The following EPN2 variants were observed in gnomAD, a reference collection of about 807,000 sequenced individuals.
EPN2 encodes epsin-2.
EPN2 carries 34 observed loss-of-function variants against 61.7 expected under a neutral mutation model. The observed-to-expected ratio is 0.55, with a 90% CI of 0.42 to 0.73. The LOEUF is 0.73. EPN2 is among the 30% of genes least tolerant of loss of function. The pLI is 0.00. For synonymous variants in EPN2, 349 were observed against 353.6 expected, an observed-to-expected ratio of 0.99 and a Z score of 0.15; for missense variants, 714 against 839.2, an observed-to-expected ratio of 0.85 and a Z score of 1.84.
At chr17:19,327,997 G>C (rs368107278) in intron 7 of EPN2, among the ~76,000 whole-genome samples, 1 of 152,160 alleles carries the variant, frequency 6.6e-6, no homozygotes, top group African/African-American at 2.4e-5. Context: ...ACATCACAGC[G>C]TTGACACTTA....
At chr17:19,281,211 C>A (rs547131586) in intron 1 of EPN2, among the ~76,000 whole-genome samples, 9 of 152,296 alleles carry the variant, frequency 5.9e-5, no homozygotes, top group Middle Eastern at 6.8e-3. Context: ...TAAACCTAAT[C>A]TTCAGTCCAT....
chr17:19,286,025 G>T (rs565673999), intron 4 of EPN2, among the ~76,000 whole-genome samples: 1 of 152,160 alleles, frequency 6.6e-6, no homozygotes, highest in African/African-American at 2.4e-5. Context: ...TTTAGCAGGG[G>T]AGCTGTTCTT....
chr17:19,262,364 G>C (rs767792224), intron 1 of EPN2, among the ~76,000 whole-genome samples: 17 of 152,058 alleles, frequency 1.1e-4, no homozygotes, highest in Non-Finnish European at 2.4e-4. Flanking sequence ...TGTAATCCCA[G>C]CTACTTAGGA....
intron 7 of EPN2, among the ~76,000 whole-genome samples, chr17:19,323,855 C>T (rs191865484): frequency 8.5e-5 from 13 of 152,270 alleles, no homozygotes; most frequent in Admixed American, 3.9e-4. Context: ...GTTAATAAAA[C>T]ACTAAGAGAA....
At chr17:19,298,528 G>T (rs529407015) in intron 4 of EPN2, among the ~76,000 whole-genome samples, 6 of 152,138 alleles carry the variant, frequency 3.9e-5, no homozygotes, top group Non-Finnish European at 5.9e-5. Flanking sequence ...TAGAGCTGGG[G>T]TCTCGCTATA....
chr17:19,248,982 G>A (rs2044982912), intron 1 of EPN2, among the ~76,000 whole-genome samples: 2 of 152,242 alleles, frequency 1.3e-5, no homozygotes, highest in Non-Finnish European at 2.9e-5. Context: ...GCTGCATTAT[G>A]CAGAGGCCTG....
At chr17:19,269,051 A>G (rs1001574506) in intron 1 of EPN2, among the ~76,000 whole-genome samples, 4 of 152,198 alleles carry the variant, frequency 2.6e-5, no homozygotes, top group African/African-American at 4.8e-5. Flanking sequence ...CCAGGCCTTG[A>G]GGGGACTGTG....
chr17:19,271,491 T>G (rs993635425), intron 1 of EPN2: 1 of 152,254 alleles, frequency 6.6e-6, no homozygotes, highest in Admixed American at 6.5e-5. Context: ...ACCTTTGGGA[T>G]GAAGGAGCTC....
intron 7 of EPN2, among the ~76,000 whole-genome samples, chr17:19,326,929 G>A (rs1186689949): frequency 6.6e-6 from 1 of 152,094 alleles, no homozygotes; most frequent in Non-Finnish European, 1.5e-5. Flanking sequence ...ATGAGTATAT[G>A]AAAAGATGCA....
rs71155391 is a variant in EPN2, at chr17:19,310,571, C to CTTTTTTTTTTT, written c.879+588_879+598dup. Among the ~76,000 whole-genome samples, 188 of 80,910 alleles carry CTTTTTTTTTTT rather than the reference C, an allele frequency of 2.3e-3. 11 individuals carry two copies. The highest frequency in any genetic ancestry group is 4.0e-3 in the African/African-American group (81 of 20,050). 53.1% of individuals were successfully genotyped at this position (80,910 alleles called of 152,430 possible). A position where few individuals can be genotyped will look rare whatever the true frequency, so the allele number is the denominator to read the frequency against. ...TTTCTTTCTCTCTTTCTCCTTCTTT[C>CTTTTTTTTTTT]TTTTTTTTTTTTTTTTTTTTTTTTG... On this transcript the variant is annotated intron_variant, in intron 5 of 10. Transcript: ENST00000314728.
intron 1 of EPN2, among the ~76,000 whole-genome samples, chr17:19,251,074 C>T (rs2051847926): frequency 6.6e-6 from 1 of 152,154 alleles, no homozygotes; most frequent in East Asian, 1.9e-4. Context: ...GATGCCTTCC[C>T]TTTTATGTCT....
At chr17:19,327,536 G>A (rs113721700) in intron 7 of EPN2, among the ~76,000 whole-genome samples, 7 of 152,112 alleles carry the variant, frequency 4.6e-5, no homozygotes, top group African/African-American at 1.4e-4. Context: ...TTAGCCGGGC[G>A]TGGTGACATT....
intron 4 of EPN2, among the ~76,000 whole-genome samples, chr17:19,307,759 C>T (rs779534075): frequency 1.3e-5 from 2 of 152,198 alleles, no homozygotes; most frequent in Non-Finnish European, 2.9e-5. Context: ...TCCTGCCCGG[C>T]CCCACCTCAG....
At chr17:19,307,855 C>T (rs1905927446) in intron 4 of EPN2, 2 of 962,730 alleles carry the variant, frequency 2.1e-6, no homozygotes, top group African/African-American at 1.8e-5. Flanking sequence ...TAGGCCTCTT[C>T]CCCTGTTTTA....
chr17:19,294,888 C>T (rs969239055), intron 4 of EPN2, among the ~76,000 whole-genome samples: 12 of 152,102 alleles, frequency 7.9e-5, no homozygotes, highest in East Asian at 3.9e-4. Flanking sequence ...CAGCTGCTGA[C>T]GGTGTCTTTA....
intron 4 of EPN2, among the ~76,000 whole-genome samples, chr17:19,300,900 C>T (rs1179722985): frequency 6.6e-6 from 1 of 152,204 alleles, no homozygotes; most frequent in Non-Finnish European, 1.5e-5. Context: ...GGACCCCCTG[C>T]CCTGTGGAGC....
chr17:19,333,461 C>T (rs1907253370), intron 10 of EPN2, among the ~76,000 whole-genome samples: 1 of 152,188 alleles, frequency 6.6e-6, no homozygotes, highest in Admixed American at 6.5e-5. Context: ...GAGGTAAATT[C>T]TGGAGACACT....
At chr17:19,240,118 G>A (rs192711996) in intron 1 of EPN2, among the ~76,000 whole-genome samples, 60 of 152,184 alleles carry the variant, frequency 3.9e-4, no homozygotes, top group Admixed American at 1.0e-3. Flanking sequence ...GTTTTCTGGC[G>A]GTTCTCACTG....
chr17:19,329,508 T>A, intron 8 of EPN2, 53 bp from the exon 9 acceptor site: 1 of 1,134,152 alleles, frequency 8.8e-7, no homozygotes, highest in South Asian at 1.3e-5. Context: ...GCAGTGGAGT[T>A]GCCATGAAGT....
Sources: gnomAD v4.1 joint callset for allele counts (sites outside exome capture counted in the v4.1 genomes callset) on GRCh38, gnomAD v4.1.1 for gene constraint, MANE v1.5 for transcripts, NCBI Gene and HGNC (gene_info 2026-07-23, HGNC 2026-07-21) for gene names.